Variants in ERI1 observed in about 807,000 individuals in gnomAD.
ERI1 encodes exoribonuclease 1.
A neutral mutation model predicts 39.7 loss-of-function variants in ERI1; 39 were observed. That is an observed-to-expected ratio of 0.98 (90% CI 0.76 to 1.28). ERI1 has a LOEUF of 1.28. Among genes scored for constraint, ERI1 ranks in the 50% most tolerant of loss-of-function variants. The pLI, the probability that ERI1 is intolerant of heterozygous loss-of-function variation, is 0.00. For missense variants in ERI1, 581 were observed against 416.9 expected (o/e 1.39, Z -3.43); for synonymous variants, 204 against 149.6 (o/e 1.36, Z -2.65).
At chr8:9,034,093 T>C (rs1172793513), downstream of ERI1, among the ~76,000 whole-genome samples, 1 of 152,258 alleles carries the variant, frequency 6.6e-6, no homozygotes, top group Non-Finnish European at 1.5e-5. Context: ...GAGTTTATAA[T>C]GACACAGAGG....
At chr8:9,084,477 C>A (rs1205022494) in intron 3 of ERI1, among the ~76,000 whole-genome samples, 1 of 152,174 alleles carries the variant, frequency 6.6e-6, no homozygotes, top group African/African-American at 2.4e-5. Flanking sequence ...TAGTTGCCTG[C>A]CTTCCCGATA....
chr8:9,011,093 A>G (rs1463719388), intron 2 of ERI1, among the ~76,000 whole-genome samples: 7 of 152,214 alleles, frequency 4.6e-5, no homozygotes, highest in African/African-American at 1.7e-4. Context: ...AAAAGAAAGG[A>G]AAGAGATAAT....
At chr8:9,005,514 G>GTTTT (rs60847461) in intron 1 of ERI1, among the ~76,000 whole-genome samples, 3 of 130,816 alleles carry the variant, frequency 2.3e-5, no homozygotes, top group South Asian at 5.1e-4. Flanking sequence ...GTTTTTTTAT[G>GTTTT]TTTTTTTTTT....
intron 3 of ERI1, among the ~76,000 whole-genome samples, chr8:9,062,301 G>T (rs997135344): frequency 2.0e-5 from 3 of 151,916 alleles, no homozygotes; most frequent in Admixed American, 6.6e-5. Flanking sequence ...GCGGGGATAC[G>T]AGAGGAGAAT....
chr8:9,081,201 A>T (rs75615387), intron 3 of ERI1, among the ~76,000 whole-genome samples: 2 of 152,282 alleles, frequency 1.3e-5, no homozygotes, highest in Admixed American at 1.3e-4. Flanking sequence ...ATGTGATCCA[A>T]TCACCTCCCA....
At chr8:9,089,541 G>C (rs1799640437) in intron 3 of ERI1, among the ~76,000 whole-genome samples, 1 of 152,184 alleles carries the variant, frequency 6.6e-6, no homozygotes, top group South Asian at 2.1e-4. Context: ...ACTTCAGAGG[G>C]AAGAAAATGC....
chr8:9,034,117 G>A (rs752307589), downstream of ERI1, among the ~76,000 whole-genome samples: 3 of 152,254 alleles, frequency 2.0e-5, no homozygotes, highest in Non-Finnish European at 2.9e-5. Flanking sequence ...AAGGGCTTAA[G>A]TTTGACTGAT....
At chr8:9,099,278 T>G (rs760017171) in intron 3 of ERI1, among the ~76,000 whole-genome samples, 14 of 151,220 alleles carry the variant, frequency 9.3e-5, no homozygotes, top group African/African-American at 3.0e-4. Context: ...TGCTACTGAT[T>G]AGTTCAACTT....
downstream of ERI1, among the ~76,000 whole-genome samples, chr8:9,034,673 TAG>T (rs1797784257): frequency 1.3e-5 from 2 of 152,164 alleles, no homozygotes; most frequent in Admixed American, 1.3e-4. Flanking sequence ...ATATTGAAAT[TAG>T]GGCAATTAAT....
Position 9,029,931 on chromosome 8 carries a change from T to G in ERI1, c.947T>G (p.Leu316Arg), listed in dbSNP as rs1180527728. Residue 316 changes from leucine (L) to arginine (R), a missense_variant, in exon 7 of 7, where the codon CTC (leucine) becomes CGC (arginine). Coordinates refer to ENST00000250263, the MANE Select transcript of ERI1 (RefSeq NM_153332.4). ...CGAATGCTTCAGGATGGGTGTGAAC[T>G]CCGAATCAACGAGAAAATGCATGCA... The part of the protein sequence containing the change: ...AVRMLQDGCE[L>R]RINEKMHAGQ... The G allele has an allele frequency of 1.9e-6, 3 of 1,614,026 alleles. No individual in the cohort carries two copies. The highest frequency in any genetic ancestry group is 2.5e-6 in the Non-Finnish European group (3 of 1,180,036).
chr8:9,087,254 T>C (rs1311349820), intron 3 of ERI1, among the ~76,000 whole-genome samples: 2 of 151,354 alleles, frequency 1.3e-5, no homozygotes, highest in East Asian at 1.9e-4. Context: ...TTATTATTTA[T>C]TTATTTTTGA....
intron 3 of ERI1, among the ~76,000 whole-genome samples, chr8:9,057,276 C>G (rs1798539111): frequency 6.6e-6 from 1 of 152,178 alleles, no homozygotes; most frequent in Non-Finnish European, 1.5e-5. Context: ...TCCCAAAGTT[C>G]TGGGATGACT....
rs111843616 is a variant in ERI1 at position 9,020,299 on chromosome 8, G to A, written c.693-51G>A. 203 of 955,902 alleles carry A rather than the reference G, an allele frequency of 2.1e-4. No homozygotes were observed. In the African/African-American group the frequency reaches 3.1e-3, roughly 15 times the overall value. The allele number at this position is 955,902 out of a possible 1,614,324, so 59.2% of individuals were successfully genotyped here. On this transcript the variant is annotated intron_variant, in intron 5 of 6. Coordinates refer to ENST00000250263, the MANE Select transcript of ERI1 (RefSeq NM_153332.4). ...AATGATTTAAAATACTCATTTGTAA[G>A]AATAGCATAGCGTTTATTTCATCAA... is the stretch of plus-strand genomic sequence containing the variant.
chr8:9,021,969 A>G (rs1348412734), intron 6 of ERI1, among the ~76,000 whole-genome samples: 1 of 151,800 alleles, frequency 6.6e-6, no homozygotes, highest in Non-Finnish European at 1.5e-5. Flanking sequence ...ATTGTTGTGC[A>G]TGTCCCCTGG....
chr8:9,081,341 T>G lies in ERI1; in HGVS notation n.300-35007T>G, dbSNP rs184211167. ...GGAGAAAGGTGAGTGAGTGGGGCAT[T>G]TTAGATGAAACAAGATTGGCTGTGC... On this transcript the variant is annotated intron_variant and non_coding_transcript_variant, in intron 3 of 3. Transcript: ENST00000518663. Among the ~76,000 whole-genome samples the G allele has an allele frequency of 6.7e-4, 102 of 152,338 alleles. No individual in the cohort carries two copies. In the South Asian group the frequency reaches 0.013, roughly 19 times the overall value.
chr8:9,022,840 A>T (rs1349548959), intron 6 of ERI1, among the ~76,000 whole-genome samples: 1 of 152,186 alleles, frequency 6.6e-6, no homozygotes, highest in Non-Finnish European at 1.5e-5. Flanking sequence ...ATGGCCAGTC[A>T]TGTTTCATGT....
intron 1 of ERI1, 92 bp downstream of exon 1, chr8:9,003,263 A>T: frequency 1.3e-6 from 1 of 772,798 alleles, no homozygotes; most frequent in Non-Finnish European, 1.8e-6. Context: ...GTCCCGCAGA[A>T]GGTGCAGCTG....
chr8:9,008,594 A>G (rs1423036964), intron 2 of ERI1, among the ~76,000 whole-genome samples: 1 of 152,242 alleles, frequency 6.6e-6, no homozygotes, highest in African/African-American at 2.4e-5. Context: ...TTTCTAAAAA[A>G]TAATCTACAA....
intron 3 of ERI1, among the ~76,000 whole-genome samples, chr8:9,098,989 C>G (rs894262777): frequency 1.1e-4 from 17 of 151,996 alleles, no homozygotes; most frequent in African/African-American, 4.1e-4. Context: ...GCCCCCCCAC[C>G]ACATCCGGCT....
Sources: gnomAD v4.1 joint callset for allele counts (sites outside exome capture counted in the v4.1 genomes callset) on GRCh38, gnomAD v4.1.1 for gene constraint, MANE v1.5 for transcripts, NCBI Gene and HGNC (gene_info 2026-07-23, HGNC 2026-07-21) for gene names.